FANCM: variants seen among roughly 807,000 people sequenced by gnomAD.
FANCM encodes FA complementation group M, also known as Fanconi anemia group M protein.
In FANCM, 140 loss-of-function variants were observed where a neutral mutation model predicts 199.5. The ratio of observed to expected loss-of-function variants is 0.70; its 90% CI spans 0.61 to 0.81. The LOEUF (loss-of-function observed/expected upper bound fraction) is 0.81. Among genes scored for constraint, FANCM ranks in the 30% least tolerant of loss-of-function variants. The pLI is 0.00. For synonymous variants in FANCM, 840 were observed against 836.8 expected (o/e 1.00, Z -0.07); for missense variants, 2,410 against 2,421.4 (o/e 1.00, Z 0.10).
At position 45,175,375 on chromosome 14, in the gene FANCM, T is replaced by C. The variant is rs774139592; in HGVS notation, c.2621T>C (p.Ile874Thr). Residue 874 changes from isoleucine (I) to threonine (T), a missense_variant, in exon 14 of 23, where the codon ATT (isoleucine) becomes ACT (threonine). By Grantham distance (89) the Ile-to-Thr change is moderately conservative. Coordinates refer to ENST00000267430, the MANE Select transcript of FANCM (RefSeq NM_020937.4). ...CTTAAAAAAGAAAATAATCACGGTA[T>C]TATAGATTCTGTAGATAATGACAGA... ...DQLKKENNHG[I>T]IDSVDNDRNS... 2.2e-5 allele frequency: 35 copies of C among 1,561,524 alleles called. No homozygotes were observed. The Middle Eastern group carries it at 5.1e-4, about 23-fold the overall frequency.
chr14:45,145,927 CG>C (rs1190554856), intron 3 of FANCM, among the ~76,000 whole-genome samples: 3 of 150,084 alleles, frequency 2.0e-5, no homozygotes, highest in Non-Finnish European at 4.5e-5. Context: ...GGCGTAGTGG[CG>C]GGCGCCTGTA....
chr14:45,175,730 A>AT lies in FANCM; in HGVS notation c.2981dup (p.Leu994PhefsTer17). 6.2e-7 allele frequency: 1 copy of AT among 1,613,836 alleles called. No homozygotes were observed. The highest frequency in any genetic ancestry group is 1.1e-5 in the South Asian group (1 of 91,072). On this transcript the variant is annotated frameshift_variant, in exon 14 of 23. Coordinates refer to ENST00000267430, the MANE Select transcript of FANCM (RefSeq NM_020937.4). LOFTEE classifies it high-confidence loss of function. ...AAGAGGTACTAGCTAATGTAGAGAG[A>AT]TTTTTATCTTATTCTCCTCCGCCTC...
intron 4 of FANCM, among the ~76,000 whole-genome samples, chr14:45,149,909 A>G (rs1187535467): frequency 1.3e-5 from 2 of 152,138 alleles, no homozygotes; most frequent in African/African-American, 4.8e-5. Context: ...GGAATCAGCT[A>G]AACATCCTAC....
chr14:45,188,667 T>C (rs1387915853), intron 19 of FANCM, 135 bp from the exon 20 acceptor site: 10 of 678,172 alleles, frequency 1.5e-5, no homozygotes, highest in Admixed American at 2.7e-5. Flanking sequence ...TAGTTTATGT[T>C]AGTTGAGTAA....
intron 21 of FANCM, among the ~76,000 whole-genome samples, chr14:45,198,008 C>G (rs1421248259): frequency 6.6e-6 from 1 of 150,800 alleles, no homozygotes; most frequent in African/African-American, 2.4e-5. Context: ...ACCTCGTTAT[C>G]TTCCTGCCTC....
chr14:45,145,787 C>T lies in FANCM; in HGVS notation c.760-3050C>T, dbSNP rs371322253. Among the ~76,000 whole-genome samples, 7 of 149,226 alleles carry T rather than the reference C, an allele frequency of 4.7e-5. No individual in the cohort carries two copies. In the South Asian group the frequency reaches 1.3e-3, roughly 27 times the overall value. On this transcript the variant is annotated intron_variant, in intron 3 of 22. Transcript: ENST00000267430. ...AAAAATACAAAAAAATGGCCGGGCGCGGTGGCTCACGCCTGTAATCCCAGC... is the reference window on the plus strand; with the variant it reads ...AAAAATACAAAAAAATGGCCGGGCGTGGTGGCTCACGCCTGTAATCCCAGC...
chr14:45,146,601 C>G (rs918336379), intron 3 of FANCM, among the ~76,000 whole-genome samples: 1 of 151,796 alleles, frequency 6.6e-6, no homozygotes, highest in Non-Finnish European at 1.5e-5. Context: ...GAGGCCGAGG[C>G]GGGTGGATCA....
At chr14:45,156,445 G>A (rs1887194418) in intron 8 of FANCM, among the ~76,000 whole-genome samples, 1 of 152,196 alleles carries the variant, frequency 6.6e-6, no homozygotes. Context: ...TGGTAGTTTT[G>A]TGGAGCATAG....
chr14:45,148,819 T>C lies in FANCM; in HGVS notation c.760-18T>C, dbSNP rs777308095. ...TTTAACATGTAGTTTATAATCATAC[T>C]TAATTGATTTCATATAGGCTGTGCA... On this transcript the variant is annotated intron_variant, in intron 3 of 22. Coordinates refer to ENST00000267430, the MANE Select transcript of FANCM (RefSeq NM_020937.4). 5 of 1,576,700 alleles carry C rather than the reference T, an allele frequency of 3.2e-6. No individual in the cohort carries two copies. The highest frequency in any genetic ancestry group is 4.4e-6 in the Non-Finnish European group (5 of 1,148,466).
intron 20 of FANCM, among the ~76,000 whole-genome samples, chr14:45,193,824 G>A (rs142391591): frequency 1.3e-5 from 2 of 151,766 alleles, no homozygotes; most frequent in East Asian, 3.9e-4. Flanking sequence ...AATTTAGTAT[G>A]AGTTTTCCCA....
intron 9 of FANCM, 139 bp from the exon 10 acceptor site, chr14:45,164,220 C>A: frequency 1.4e-6 from 1 of 721,650 alleles, no homozygotes; most frequent in Non-Finnish European, 2.4e-6. Flanking sequence ...GTTGACATTA[C>A]AGGCATGAGC....
intron 2 of FANCM, 28 bp from the exon 3 acceptor site, chr14:45,140,604 G>T (rs748198742): frequency 7.9e-7 from 1 of 1,263,122 alleles, no homozygotes; most frequent in East Asian, 2.3e-5. Context: ...TTGAACAGAT[G>T]AAACTAAAGA....
chr14:45,175,978 C>T lies in FANCM; in HGVS notation c.3224C>T (p.Ser1075Phe), dbSNP rs1888661185. The T allele has an allele frequency of 6.2e-7, 1 of 1,613,584 alleles. No individual in the cohort carries two copies. The highest frequency in any genetic ancestry group is 8.5e-7 in the Non-Finnish European group (1 of 1,179,616). ...TATGATATACCTAATGATAATATTT[C>T]TGATGAGCCAAGTCTCTGTGACTGT... ...CLYDIPNDNI[S>F]DEPSLCDCDV... Residue 1075 changes from serine (S) to phenylalanine (F), a missense_variant, in exon 14 of 23, where the codon TCT becomes TTT. Coordinates refer to ENST00000267430, the MANE Select transcript of FANCM (RefSeq NM_020937.4).
chr14:45,137,170 C>A lies in FANCM; in HGVS notation c.610C>A (p.Pro204Thr). 1 of 1,613,786 alleles carries A rather than the reference C, an allele frequency of 6.2e-7. No individual in the cohort carries two copies. The highest frequency in any genetic ancestry group is 8.5e-7 in the Non-Finnish European group (1 of 1,179,906). ...MVNDLSRGAC[P>T]AAEIKCLVID... ...AAATGACCTTTCTAGAGGAGCTTGTCCCGCTGCTGAAATAAAGTGTTTAGT... is the reference window on the plus strand; with the variant it reads ...AAATGACCTTTCTAGAGGAGCTTGTACCGCTGCTGAAATAAAGTGTTTAGT... The change falls in exon 2 of 23, where the codon CCC becomes ACC. Residue 204 changes from proline to threonine, a missense_variant. Transcript: ENST00000267430.
chr14:45,199,729 T>C, intron 22 of FANCM, 141 bp from the exon 23 acceptor site: 1 of 655,872 alleles, frequency 1.5e-6, no homozygotes, highest in Non-Finnish European at 2.7e-6. Context: ...TCCAAACTAA[T>C]GTTCAAGACA....
chr14:45,179,561 CTTTT>C (rs36031280), intron 14 of FANCM, among the ~76,000 whole-genome samples: 4 of 95,482 alleles, frequency 4.2e-5, no homozygotes, highest in Non-Finnish European at 6.3e-5. Flanking sequence ...TTCTTTCTTT[CTTTT>C]TTTTTTTTTT....
Position 45,164,398 on chromosome 14 carries a change from G to A in FANCM, c.1621G>A (p.Val541Ile). 1 of 1,613,312 alleles carries A rather than the reference G, an allele frequency of 6.2e-7. No individual in the cohort carries two copies. The highest frequency in any genetic ancestry group is 8.5e-7 in the Non-Finnish European group (1 of 1,179,976). Residue 541 changes from valine to isoleucine, a missense_variant, in exon 10 of 23, where the codon GTT (valine) becomes ATT (isoleucine). Physicochemically the swap from Val to Ile is conservative, Grantham distance 29 (BLOSUM62 3). Coordinates refer to ENST00000267430, the MANE Select transcript of FANCM (RefSeq NM_020937.4). ...QFRDGGYNTL[V>I]STCVGEEGLD... ...TCGTGACGGTGGTTACAACACGCTG[G>A]TTTCTACCTGTGTGGGTGAAGAAGG...
intron 20 of FANCM, chr14:45,195,446 G>A (rs1215378383): frequency 3.3e-5 from 14 of 420,440 alleles, no homozygotes; most frequent in Non-Finnish European, 5.3e-5. Context: ...TTTTATTTGC[G>A]CTTATAATAA....
intron 8 of FANCM, 136 bp downstream of exon 8, chr14:45,155,595 T>A: frequency 3.6e-6 from 2 of 548,596 alleles, no homozygotes; most frequent in Non-Finnish European, 6.8e-6. Context: ...GGTCAGGAGT[T>A]CAAGACCAGC....
Sources: gnomAD v4.1 joint callset for allele counts (sites outside exome capture counted in the v4.1 genomes callset) on GRCh38, gnomAD v4.1.1 for gene constraint, MANE v1.5 for transcripts, NCBI Gene and HGNC (gene_info 2026-07-23, HGNC 2026-07-21) for gene names.